TENM2: variants seen among roughly 807,000 people sequenced by gnomAD.
The protein encoded by TENM2 is teneurin transmembrane protein 2, also known as teneurin-2.
Under a neutral mutation model 245.2 loss-of-function variants are expected in TENM2, and 52 were observed. The ratio of observed to expected loss-of-function variants is 0.21; its 90% CI spans 0.17 to 0.27. The LOEUF is 0.27. TENM2 is among the 10% of genes least tolerant of loss of function. The pLI, the probability that TENM2 is intolerant of heterozygous loss-of-function variation, is 1.00. For missense variants in TENM2, 3,046 were observed against 3,666.8 expected, an observed-to-expected ratio of 0.83 and a Z score of 4.37; for synonymous variants, 1,363 against 1,438.9, an observed-to-expected ratio of 0.95 and a Z score of 1.19.
chr5:167,438,548 C>T lies in TENM2; in HGVS notation c.502+63075C>T, dbSNP rs150548265. ...CTGGGACTACAGGTGACTGCCACCA[C>T]GCCTGGCTAATTTTTTTCTTTGTAT... On this transcript the variant is annotated intron_variant, in intron 2 of 28. Coordinates refer to ENST00000518659, the Ensembl canonical transcript of TENM2. Among the ~76,000 whole-genome samples, 296 of 152,064 alleles carry T rather than the reference C, an allele frequency of 1.9e-3. 2 individuals carry two copies. The highest frequency in any genetic ancestry group is 0.01 in the Middle Eastern group (3 of 294).
chr5:167,112,276 T>C, the TENM2 span, among the ~76,000 whole-genome samples: 1 of 152,196 alleles, frequency 6.6e-6, no homozygotes, highest in Non-Finnish European at 1.5e-5. Flanking sequence ...TCACACACGG[T>C]GGTAAATGGA....
chr5:167,464,033 C>T (rs1766491678), intron 2 of TENM2, among the ~76,000 whole-genome samples: 1 of 152,112 alleles, frequency 6.6e-6, no homozygotes, highest in Non-Finnish European at 1.5e-5. Flanking sequence ...TATAAATTTC[C>T]AGAGAGATGC....
intron 2 of TENM2, among the ~76,000 whole-genome samples, chr5:167,795,805 C>T (rs1200901266): frequency 6.6e-6 from 1 of 152,166 alleles, no homozygotes; most frequent in Non-Finnish European, 1.5e-5. Flanking sequence ...AGAACTGTGT[C>T]ACTGAAGTGA....
chr5:167,266,493 A>G, the TENM2 span, among the ~76,000 whole-genome samples: 1 of 152,184 alleles, frequency 6.6e-6, no homozygotes. Flanking sequence ...TGCTGCTTAA[A>G]AAAATAGGAG....
At chr5:167,978,914 G>C (rs1389368390) in intron 4 of TENM2, among the ~76,000 whole-genome samples, 5 of 152,122 alleles carry the variant, frequency 3.3e-5, no homozygotes, top group Non-Finnish European at 5.9e-5. Flanking sequence ...AGTTAGGCTA[G>C]AGAACCAGTC....
At chr5:167,494,675 G>T (rs976318022) in intron 2 of TENM2, among the ~76,000 whole-genome samples, 6 of 152,212 alleles carry the variant, frequency 3.9e-5, no homozygotes, top group Non-Finnish European at 7.4e-5. Context: ...TTCAAGTGAA[G>T]TAAAAGTTTA....
rs1468812391 is a variant in TENM2 at position 168,244,311 on chromosome 5, C to T, written c.5521-109C>T. The T allele has an allele frequency of 6.9e-6, 6 of 867,192 alleles. No homozygotes were observed. Among genetic ancestry groups the T allele is most frequent in the Admixed American group, 3.8e-5 (1 of 26,554 alleles). 53.7% of individuals were successfully genotyped at this position (867,192 alleles called of 1,614,324 possible). A position where few individuals can be genotyped will look rare whatever the true frequency, so the allele number is the denominator to read the frequency against. Reference sequence around the variant, plus strand: ...TACTCTAACTTTGGGGTTATTTCTTCCTCCAGTGAACACTTAAGCCCTGGC... The same window carrying T: ...TACTCTAACTTTGGGGTTATTTCTTTCTCCAGTGAACACTTAAGCCCTGGC... On this transcript the variant is annotated intron_variant, in intron 25 of 28. Coordinates refer to ENST00000518659, the Ensembl canonical transcript of TENM2. This position sits in a 1 kb window ranked among gnomAD's most constrained non-coding sequence, Gnocchi z 4.9.
intron 2 of TENM2, among the ~76,000 whole-genome samples, chr5:167,708,972 C>T (rs973652855): frequency 2.6e-5 from 4 of 152,084 alleles, no homozygotes; most frequent in East Asian, 3.8e-4. Context: ...ATGAAATGGG[C>T]GAGTCTAGCA....
chr5:168,153,616 G>A (rs948957705), intron 12 of TENM2, among the ~76,000 whole-genome samples: 1 of 152,220 alleles, frequency 6.6e-6, no homozygotes, highest in African/African-American at 2.4e-5. Context: ...GAGAGAAATG[G>A]GCAGGGCCAG....
At chr5:167,237,010 T>G in the TENM2 span, among the ~76,000 whole-genome samples, 1 of 152,194 alleles carries the variant, frequency 6.6e-6, no homozygotes. Context: ...ACATCTCCTC[T>G]TAGGTGCAGA....
intron 7 of TENM2, chr5:168,088,380 T>G (rs898072231): frequency 6.6e-6 from 1 of 152,186 alleles, no homozygotes; most frequent in Non-Finnish European, 1.5e-5. Context: ...TTTAAATCAT[T>G]TATTTTATCC....
At chr5:167,096,179 G>C in the TENM2 span, among the ~76,000 whole-genome samples, 3 of 152,088 alleles carry the variant, frequency 2.0e-5, no homozygotes, top group Admixed American at 6.6e-5. Flanking sequence ...GTGATGTTTT[G>C]ATACGTGTAT....
At chr5:167,917,767 A>G (rs903537514) in intron 3 of TENM2, among the ~76,000 whole-genome samples, 3 of 152,186 alleles carry the variant, frequency 2.0e-5, no homozygotes, top group East Asian at 3.9e-4. Context: ...ACACTTGTCT[A>G]TCTCCCTAGT....
intron 25 of TENM2, among the ~76,000 whole-genome samples, chr5:168,243,756 C>T (rs1766306681): frequency 6.6e-6 from 1 of 152,160 alleles, no homozygotes; most frequent in South Asian, 2.1e-4. Flanking sequence ...GCACACTGCA[C>T]AATTTTCACC....
chr5:167,512,708 C>G (rs1401439661), intron 2 of TENM2, among the ~76,000 whole-genome samples: 1 of 152,158 alleles, frequency 6.6e-6, no homozygotes, highest in Non-Finnish European at 1.5e-5. Flanking sequence ...TATGGCTTAT[C>G]CATTGCCCAC....
At chr5:167,281,448 T>A (rs147535590), upstream of TENM2, among the ~76,000 whole-genome samples, 48 of 152,122 alleles carry the variant, frequency 3.2e-4, no homozygotes, top group East Asian at 8.9e-3. Flanking sequence ...GCAGGCTAAA[T>A]ACAAAATGTC....
At chr5:168,112,613 G>GGGT (rs1362583052) in intron 9 of TENM2, among the ~76,000 whole-genome samples, 8 of 120,810 alleles carry the variant, frequency 6.6e-5, no homozygotes, top group Non-Finnish European at 1.0e-4. Flanking sequence ...GGGCGGGGGG[G>GGGT]GGGTCAAACT....
intron 7 of TENM2, among the ~76,000 whole-genome samples, chr5:168,090,227 C>CAG (rs1436271273): frequency 8.1e-6 from 1 of 124,064 alleles, no homozygotes; most frequent in East Asian, 2.0e-4. Flanking sequence ...ACCACACACA[C>CAG]ACACACACAC....
the TENM2 span, among the ~76,000 whole-genome samples, chr5:167,195,806 A>T: frequency 1.3e-5 from 2 of 152,120 alleles, no homozygotes; most frequent in Admixed American, 1.3e-4. Context: ...ATTTAATTTC[A>T]TAAGGGCTAT....
Sources: allele counts gnomAD v4.1 joint callset (sites outside exome capture counted in the v4.1 genomes callset), GRCh38; gene constraint gnomAD v4.1.1; non-coding constraint Gnocchi (gnomAD v3.1); transcripts MANE v1.5; gene names NCBI Gene and HGNC (gene_info 2026-07-23, HGNC 2026-07-21).